The following CORO7 variants were observed in gnomAD, a reference collection of about 807,000 sequenced individuals.
CORO7 encodes coronin 7, also known as coronin-7.
Under a neutral mutation model 126.6 loss-of-function variants are expected in CORO7, and 107 were observed. The observed-to-expected ratio is 0.85, with a 90% CI of 0.72 to 0.99. The LOEUF is 0.99. Among genes scored for constraint, CORO7 ranks in the 50% least tolerant of loss-of-function variants. CORO7 has a pLI of 0.00. For missense variants in CORO7, 1,314 were observed against 1,255.8 expected, an observed-to-expected ratio of 1.05 and a Z score of -0.70; for synonymous variants, 603 against 536.8, an observed-to-expected ratio of 1.12 and a Z score of -1.70.
chr16:4,360,592 T>C (rs1353559259), intron 19 of CORO7, 44 bp from the exon 20 acceptor site: 31 of 1,550,738 alleles, frequency 2.0e-5, no homozygotes, highest in Non-Finnish European at 2.5e-5. Context: ...GCTTCACTGC[T>C]GGCCCCACCT....
At position 4,355,320 on chromosome 16, in the gene CORO7, T is replaced by TG. The variant is rs1187603570; in HGVS notation, c.2737dup (p.Gln913ProfsTer5). ...CTCGTCCACGCCTTCAAAGGAGTCCTGGGGGAGTGGGTCCTCCCGGTTCCC... is the reference window on the plus strand; with the variant it reads ...CTCGTCCACGCCTTCAAAGGAGTCCTGGGGGGAGTGGGTCCTCCCGGTTCCC... On this transcript the variant is annotated frameshift_variant, in exon 27 of 28. Transcript: ENST00000251166. LOFTEE classifies it high-confidence loss of function. 2 of 1,613,064 alleles carry TG rather than the reference T, an allele frequency of 1.2e-6. No individual in the cohort carries two copies. The highest frequency in any genetic ancestry group is 1.7e-5 in the Admixed American group (1 of 59,968).
chr16:4,382,150 C>A (rs201357536), intron 9 of CORO7: 1 of 1,591,848 alleles, frequency 6.3e-7, no homozygotes, highest in Admixed American at 1.7e-5. Flanking sequence ...CCTGGGGACA[C>A]GGCACCACCT....
intron 9 of CORO7, among the ~76,000 whole-genome samples, chr16:4,372,336 A>G (rs1418085379): frequency 6.6e-6 from 1 of 152,164 alleles, no homozygotes; most frequent in African/African-American, 2.4e-5. Flanking sequence ...AACCCCTTTG[A>G]GGGGGATAGC....
intron 4 of CORO7, 111 bp from the exon 5 acceptor site, chr16:4,407,795 C>G: frequency 7.4e-7 from 1 of 1,353,890 alleles, no homozygotes; most frequent in Non-Finnish European, 9.9e-7. Context: ...TCCAGGAGAC[C>G]ACACACCTTG....
chr16:4,365,949 G>A (rs539117791), intron 9 of CORO7, among the ~76,000 whole-genome samples: 8 of 152,284 alleles, frequency 5.3e-5, no homozygotes, highest in African/African-American at 1.7e-4. Context: ...GGAGCCTCCC[G>A]TCCCCACTCG....
chr16:4,360,225 G>C, intron 21 of CORO7, 53 bp downstream of exon 21: 1 of 1,609,186 alleles, frequency 6.2e-7, no homozygotes. Context: ...CTGTGGAGAA[G>C]GGGGACACAG....
intron 10 of CORO7, 106 bp from the exon 11 acceptor site, chr16:4,365,166 C>G: frequency 6.7e-7 from 1 of 1,491,274 alleles, no homozygotes; most frequent in Non-Finnish European, 9.0e-7. Flanking sequence ...AGCCACAGAA[C>G]CACAGTGGCT....
Position 4,359,292 on chromosome 16 carries a change from T to C in CORO7, c.2340+4A>G, listed in dbSNP as rs2054081703. 6.2e-7 allele frequency: 1 copy of C among 1,600,114 alleles called. No homozygotes were observed. Among genetic ancestry groups the C allele is most frequent in the Non-Finnish European group, 8.5e-7 (1 of 1,174,286 alleles). ...TCGGGGACGAGGCGCCAGGGTGGCC[T>C]CACCTTGTGGGGGTCAGGCGACGTG... On this transcript the variant is annotated splice_donor_region_variant and intron_variant, in intron 23 of 27. Transcript: ENST00000251166.
chr16:4,370,418 T>C (rs559415169), intron 9 of CORO7, among the ~76,000 whole-genome samples: 1 of 152,356 alleles, frequency 6.6e-6, no homozygotes, highest in South Asian at 2.1e-4. Flanking sequence ...TGAGAGTTCC[T>C]GTTCAATGCA....
intron 25 of CORO7, 121 bp downstream of exon 25, chr16:4,357,847 C>A (rs2054028949): frequency 6.8e-7 from 1 of 1,481,072 alleles, no homozygotes; most frequent in Admixed American, 2.4e-5. Context: ...CACAGCCACT[C>A]CACCCTCCCA....
rs992481753 is a variant in CORO7, at chr16:4,357,749, G to A, written c.2593+219C>T. ...AGCCCTGCCCTAGACACCACAGTGTGTGCGTGTGTGTGTGTGTTAGGGGTG... is the reference window on the plus strand; with the variant it reads ...AGCCCTGCCCTAGACACCACAGTGTATGCGTGTGTGTGTGTGTTAGGGGTG... On this transcript the variant is annotated intron_variant, in intron 25 of 27. Transcript: ENST00000251166. 67 of 729,472 alleles carry A rather than the reference G, an allele frequency of 9.2e-5. 1 individual carries two copies. The Admixed American group carries it at 2.0e-3, about 22-fold the overall frequency. 45.2% of individuals were successfully genotyped at this position (729,472 alleles called of 1,614,324 possible). A position where few individuals can be genotyped will look rare whatever the true frequency, so the allele number is the denominator to read the frequency against.
At chr16:4,364,727 C>T in intron 12 of CORO7, 38 bp from the exon 13 acceptor site, 1 of 1,581,080 alleles carries the variant, frequency 6.3e-7, no homozygotes, top group East Asian at 2.3e-5. Context: ...GAGGCCCAGG[C>T]CCCCCGACTC....
intron 9 of CORO7, among the ~76,000 whole-genome samples, chr16:4,376,953 G>A (rs751181818): frequency 1.3e-5 from 2 of 152,166 alleles, no homozygotes; most frequent in African/African-American, 4.8e-5. Context: ...TATGAGTGAC[G>A]CCCTCCGCAG....
chr16:4,366,566 C>T (rs1356826865), intron 9 of CORO7, among the ~76,000 whole-genome samples: 25 of 143,696 alleles, frequency 1.7e-4, no homozygotes, highest in Non-Finnish European at 4.5e-5. Flanking sequence ...TTAAGAGACA[C>T]GGTCTCCCTC....
chr16:4,384,110 T>A (rs2055105490), intron 9 of CORO7, among the ~76,000 whole-genome samples: 1 of 152,046 alleles, frequency 6.6e-6, no homozygotes, highest in Non-Finnish European at 1.5e-5. Flanking sequence ...GTGTGAATCA[T>A]CAAAGGCAGG....
chr16:4,373,145 GGGGGAT>G (rs1309036404), intron 9 of CORO7, among the ~76,000 whole-genome samples: 20 of 152,152 alleles, frequency 1.3e-4, no homozygotes, highest in Non-Finnish European at 2.4e-4. Context: ...GCAGGCGGGT[GGGGGAT>G]GGGGAGCAGT....
chr16:4,355,044 T>C lies in CORO7; in HGVS notation c.*114A>G. 3 of 1,209,924 alleles carry C rather than the reference T, an allele frequency of 2.5e-6. No individual in the cohort carries two copies. Among genetic ancestry groups the C allele is most frequent in the South Asian group, 1.9e-5 (1 of 52,372 alleles). The allele number at this position is 1,209,924 out of a possible 1,614,324, so 74.9% of individuals were successfully genotyped here. A position where few individuals can be genotyped will look rare whatever the true frequency, so the allele number is the denominator to read the frequency against. Reference sequence around the variant, plus strand: ...GGAAGTGCCCACGGGAAGGCAGGAGTGCAGGGGTGACATGTGCCGGGGCCA... The same window carrying C: ...GGAAGTGCCCACGGGAAGGCAGGAGCGCAGGGGTGACATGTGCCGGGGCCA... On this transcript the variant is annotated 3_prime_UTR_variant, in exon 28 of 28. Transcript: ENST00000251166.
At position 4,362,228 on chromosome 16, in the gene CORO7, G is replaced by C; in HGVS notation, c.1403-68C>G. On this transcript the variant is annotated intron_variant, in intron 15 of 27. Transcript: ENST00000251166. The surrounding 1 kb of genome is among the most constrained non-coding windows in gnomAD (Gnocchi z 5.3). ...TCCCCGCCCGCCCTGCACTCTTTGA[G>C]TCCCGGCTGCCCACTCCCCTCACCC... 2 of 1,529,814 alleles carry C rather than the reference G, an allele frequency of 1.3e-6. No homozygotes were observed. Among genetic ancestry groups the C allele is most frequent in the Non-Finnish European group, 1.8e-6 (2 of 1,137,674 alleles). 94.8% of individuals were successfully genotyped at this position (1,529,814 alleles called of 1,614,324 possible).
intron 1 of CORO7, among the ~76,000 whole-genome samples, chr16:4,414,641 T>G (rs946635879): frequency 6.6e-6 from 1 of 152,180 alleles, no homozygotes; most frequent in African/African-American, 2.4e-5. Context: ...AAAGAACAGA[T>G]CACCTGTTCT....
Sources: allele counts gnomAD v4.1 joint callset (sites outside exome capture counted in the v4.1 genomes callset), GRCh38; gene constraint gnomAD v4.1.1; non-coding constraint Gnocchi (gnomAD v3.1); transcripts MANE v1.5; gene names NCBI Gene and HGNC (gene_info 2026-07-23, HGNC 2026-07-21).